Variants in ATR observed in about 807,000 individuals in gnomAD.
ATR encodes the protein ATR checkpoint kinase.
Under a neutral mutation model 305.3 loss-of-function variants are expected in ATR, and 142 were observed. That is an observed-to-expected ratio of 0.47 (90% CI 0.41 to 0.53). The LOEUF (loss-of-function observed/expected upper bound fraction) is 0.53. ATR is among the 20% of genes least tolerant of loss of function. The pLI, the probability that ATR is intolerant of heterozygous loss-of-function variation, is 0.00. For synonymous variants in ATR, 1,050 were observed against 1,068.1 expected (o/e 0.98, Z 0.33); for missense variants, 2,135 against 3,133.1 (o/e 0.68, Z 7.60).
At chr3:142,499,559 G>A (rs1298813568) in intron 31 of ATR, 68 bp downstream of exon 31, 1 of 1,445,004 alleles carries the variant, frequency 6.9e-7, no homozygotes, top group East Asian at 2.3e-5. Context: ...CGCCCAAAGT[G>A]CTGGGATTAC....
chr3:142,493,318 GA>G lies in ATR; in HGVS notation c.5899-8del, dbSNP rs538488507. The stretch of plus-strand genomic sequence containing the variant: ...GTGCCTGGTGAACATCACCCTAAAA[GA>G]AAAAAGGCAACAATAAGCCTTTTAA... On this transcript the variant is annotated splice_polypyrimidine_tract_variant and splice_region_variant and intron_variant, in intron 34 of 46. Coordinates refer to ENST00000350721, the MANE Select transcript of ATR (RefSeq NM_001184.4). 674 of 1,605,928 alleles carry G rather than the reference GA, an allele frequency of 4.2e-4. 4 individuals are homozygous for G. The East Asian group carries it at 0.014, about 34-fold the overall frequency.
chr3:142,524,583 C>A (rs2033292551), intron 21 of ATR, among the ~76,000 whole-genome samples: 1 of 151,822 alleles, frequency 6.6e-6, no homozygotes, highest in Non-Finnish European at 1.5e-5. Context: ...GGCAAAGAAG[C>A]AATGAATAAG....
intron 1 of ATR, among the ~76,000 whole-genome samples, chr3:142,573,949 C>G (rs1394069655): frequency 6.6e-6 from 1 of 152,062 alleles, no homozygotes; most frequent in Non-Finnish European, 1.5e-5. Flanking sequence ...TAGACAAAGT[C>G]AGGAGACATT....
intron 30 of ATR, among the ~76,000 whole-genome samples, chr3:142,500,523 C>G (rs548554802): frequency 3.1e-4 from 47 of 152,032 alleles, no homozygotes; most frequent in Non-Finnish European, 5.9e-4. Flanking sequence ...ATTTAATAAT[C>G]TAATAACACT....
At chr3:142,453,596 A>C (rs2070838674) in intron 45 of ATR, among the ~76,000 whole-genome samples, 2 of 152,298 alleles carry the variant, frequency 1.3e-5, no homozygotes, top group Middle Eastern at 3.4e-3. Context: ...TACCATATAG[A>C]CCTAGCCCAG....
intron 25 of ATR, among the ~76,000 whole-genome samples, chr3:142,514,751 T>C (rs1475963964): frequency 7.5e-6 from 1 of 133,816 alleles, no homozygotes; most frequent in African/African-American, 2.9e-5. Flanking sequence ...AGACTTACAG[T>C]GAGCCGAGAT....
Position 142,558,553 on chromosome 3 carries a change from A to ATAG in ATR, c.1885+70_1885+71insCTA, listed in dbSNP as rs1559993988. Reference sequence around the variant, plus strand: ...AAATAAATAAATAAATAAATAAATAAATAAATAGATAGATAGATAGATAGA... The same window carrying ATAG: ...AAATAAATAAATAAATAAATAAATAATAGATAAATAGATAGATAGATAGATAGA... On this transcript the variant is annotated intron_variant, in intron 8 of 46. Coordinates refer to ENST00000350721, the MANE Select transcript of ATR (RefSeq NM_001184.4). The ATAG allele has an allele frequency of 3.7e-4, 397 of 1,077,360 alleles. 2 individuals are homozygous for ATAG. Among genetic ancestry groups the ATAG allele is most frequent in the Admixed American group, 6.5e-4 (21 of 32,514 alleles). 66.7% of individuals were successfully genotyped at this position (1,077,360 alleles called of 1,614,324 possible). A position where few individuals can be genotyped will look rare whatever the true frequency, so the allele number is the denominator to read the frequency against.
chr3:142,492,711 T>C (rs2108325017), intron 35 of ATR, among the ~76,000 whole-genome samples: 1 of 152,356 alleles, frequency 6.6e-6, no homozygotes, highest in South Asian at 2.1e-4. Context: ...ATTTTTATTA[T>C]CATTCAGTTC....
At chr3:142,523,887 G>T in intron 22 of ATR, 106 bp downstream of exon 22, 1 of 1,181,432 alleles carries the variant, frequency 8.5e-7, no homozygotes, top group East Asian at 2.5e-5. Context: ...TCTGGTTCTA[G>T]GTGAAGCTTT....
intron 25 of ATR, among the ~76,000 whole-genome samples, chr3:142,514,807 CAAAAA>C (rs56770183): frequency 3.0e-5 from 3 of 99,862 alleles, no homozygotes; most frequent in Admixed American, 1.2e-4. Flanking sequence ...GACTCCGTCA[CAAAAA>C]AAAAAAAAAA....
chr3:142,501,108 C>A (rs559141045), intron 30 of ATR, among the ~76,000 whole-genome samples: 2 of 152,114 alleles, frequency 1.3e-5, no homozygotes, highest in African/African-American at 4.8e-5. Context: ...GAAAAACATG[C>A]CCCATCCATA....
chr3:142,478,597 C>G (rs1043595544), intron 36 of ATR, among the ~76,000 whole-genome samples: 1 of 152,152 alleles, frequency 6.6e-6, no homozygotes, highest in African/African-American at 2.4e-5. Context: ...CTGTAGATGT[C>G]TATTAGGTCT....
chr3:142,553,284 T>G lies in ATR; in HGVS notation c.2748A>C (p.Ala916=). ...AAYTEIRALV[A]AKSVKLQSFF... The stretch of plus-strand genomic sequence containing the variant: ...AACTTTGCAGTTTAACACTTTTAGC[T>G]GCAACCAGAGCTCTAATTTCTGTGT... Residue 916 remains alanine (A), a synonymous_variant, in exon 13 of 47, where the codon GCA becomes GCC. Transcript: ENST00000350721. 2 of 1,614,182 alleles carry G rather than the reference T, an allele frequency of 1.2e-6. No individual in the cohort carries two copies. The highest frequency in any genetic ancestry group is 8.5e-7 in the Non-Finnish European group (1 of 1,180,020).
chr3:142,552,669 C>CAAAAAAAAAAAA (rs143475912), intron 13 of ATR, among the ~76,000 whole-genome samples: 1 of 93,328 alleles, frequency 1.1e-5, no homozygotes, highest in East Asian at 3.3e-4. Flanking sequence ...TACTCCATCT[C>CAAAAAAAAAAAA]AAAAAAAAAA....
intron 46 of ATR, chr3:142,450,106 G>A: frequency 3.1e-6 from 1 of 320,262 alleles, no homozygotes; most frequent in Non-Finnish European, 5.8e-6. Context: ...TGGGCTGGTG[G>A]GCTGCGCTGC....
chr3:142,462,561 C>T (rs571871293), intron 41 of ATR, among the ~76,000 whole-genome samples: 2 of 151,810 alleles, frequency 1.3e-5, no homozygotes, highest in East Asian at 1.9e-4. Context: ...CTCTGCCTCT[C>T]GGGTTCTTGC....
At chr3:142,457,423 G>A (rs894421583) in intron 45 of ATR, among the ~76,000 whole-genome samples, 181 bp downstream of exon 45, 4 of 152,074 alleles carry the variant, frequency 2.6e-5, no homozygotes, top group Admixed American at 1.3e-4. Context: ...AAAAACCACT[G>A]AATTATGTAC....
chr3:142,566,883 ACAGGTGTGTGCCACCACACC>A (rs1222614642), intron 2 of ATR, among the ~76,000 whole-genome samples: 3 of 152,022 alleles, frequency 2.0e-5, no homozygotes, highest in African/African-American at 7.3e-5. Flanking sequence ...AGCTAGGACT[ACAGGTGTGTGCCACCACACC>A]CAGCTAATTT....
chr3:142,525,546 G>C (rs2033343821), intron 21 of ATR, among the ~76,000 whole-genome samples: 1 of 152,100 alleles, frequency 6.6e-6, no homozygotes, highest in Non-Finnish European at 1.5e-5. Flanking sequence ...ATATAGCTTA[G>C]GTATCTGTCC....
Sources: allele counts gnomAD v4.1 joint callset (sites outside exome capture counted in the v4.1 genomes callset), GRCh38; gene constraint gnomAD v4.1.1; transcripts MANE v1.5; gene names NCBI Gene and HGNC (gene_info 2026-07-23, HGNC 2026-07-21).